The following B3GNT2 variants were observed in gnomAD, a reference collection of about 807,000 sequenced individuals.
The protein encoded by B3GNT2 is N-acetyllactosaminide beta-1,3-N-acetylglucosaminyltransferase 2.
A neutral mutation model predicts 27.6 loss-of-function variants in B3GNT2; 12 were observed. The ratio of observed to expected loss-of-function variants is 0.44; its 90% confidence interval spans 0.28 to 0.71. B3GNT2 has a LOEUF of 0.71. B3GNT2 is among the 30% of genes least tolerant of loss of function. The pLI is 0.17. For missense variants in B3GNT2, 413 were observed against 488.5 expected, an observed-to-expected ratio of 0.85 and a Z score of 1.46; for synonymous variants, 192 against 189.7, an observed-to-expected ratio of 1.01 and a Z score of -0.10.
chr2:62,211,971 C>T (rs1217263708), intron 1 of B3GNT2, among the ~76,000 whole-genome samples: 3 of 152,158 alleles, frequency 2.0e-5, no homozygotes. Context: ...TCCCCAAACC[C>T]CAGACTTAAA....
Position 62,207,314 on chromosome 2 carries a change from G to A in B3GNT2, c.-10+10959G>A, listed in dbSNP as rs537500884. On this transcript the variant is annotated intron_variant, in intron 1 of 1. Coordinates refer to ENST00000301998, the MANE Select transcript of B3GNT2 (RefSeq NM_006577.6). ...TCTGTCTCAGCCTCACGAGTAGTTG[G>A]GACAACACACATGCTACAGGCCACC... 2.6e-5 allele frequency among the ~76,000 whole-genome samples: 4 copies of A among 152,166 alleles called. No individual in the cohort carries two copies. The East Asian group carries it at 7.7e-4, about 29-fold the overall frequency.
intron 1 of B3GNT2, among the ~76,000 whole-genome samples, chr2:62,212,328 C>T (rs915454689): frequency 6.6e-6 from 1 of 152,088 alleles, no homozygotes; most frequent in Admixed American, 6.5e-5. Flanking sequence ...ACTGGGTGGT[C>T]CTTATCCAAC....
At chr2:62,212,146 T>G (rs1341806485) in intron 1 of B3GNT2, among the ~76,000 whole-genome samples, 1 of 152,208 alleles carries the variant, frequency 6.6e-6, no homozygotes, top group Non-Finnish European at 1.5e-5. Context: ...CTTTTGTAAG[T>G]AGAGGGCTCT....
chr2:62,210,557 T>C (rs1009298573), intron 1 of B3GNT2, among the ~76,000 whole-genome samples: 1 of 151,506 alleles, frequency 6.6e-6, no homozygotes, highest in African/African-American at 2.4e-5. Flanking sequence ...TCACTTGAGG[T>C]CAGGAGTTCG....
In B3GNT2 at chr2:62,223,290, A is replaced by G. The variant is rs774994033; in HGVS notation, c.1070A>G (p.Asp357Gly). Residue 357 changes from aspartate to glycine, a missense_variant, in exon 2 of 2, where the codon GAT (aspartate) becomes GGT (glycine). Coordinates refer to ENST00000301998, the MANE Select transcript of B3GNT2 (RefSeq NM_006577.6). ...AAACACAAAGGCTTCAGGACATTTG[A>G]TATCGAGGAGAAAAACAAAAATAAC... ...PEKHKGFRTF[D>G]IEEKNKNNIC... 5 of 1,614,108 alleles carry G rather than the reference A, an allele frequency of 3.1e-6. No homozygotes were observed. The highest frequency in any genetic ancestry group is 2.2e-5 in the East Asian group (1 of 44,904).
intron 1 of B3GNT2, among the ~76,000 whole-genome samples, chr2:62,198,639 G>C (rs1674201353): frequency 6.6e-6 from 1 of 152,162 alleles, no homozygotes; most frequent in African/African-American, 2.4e-5. Flanking sequence ...TGGGCTTCTG[G>C]TGAAGGGCTG....
intron 1 of B3GNT2, among the ~76,000 whole-genome samples, chr2:62,210,647 A>G (rs980980561): frequency 2.0e-5 from 3 of 151,848 alleles, no homozygotes; most frequent in Admixed American, 2.0e-4. Context: ...GTGGGCGCCT[A>G]CAGTCCCAGC....
chr2:62,222,507 G>GCGGACGTGA lies in B3GNT2; in HGVS notation c.289_290insGACGTGACG (p.Cys96_Glu97insGlyArgAsp). The GCGGACGTGA allele has an allele frequency of 6.2e-7, 1 of 1,614,152 alleles. No homozygotes were observed. The highest frequency in any genetic ancestry group is 8.5e-7 in the Non-Finnish European group (1 of 1,180,032). On this transcript the variant is annotated inframe_insertion, in exon 2 of 2. Transcript: ENST00000301998. The surrounding 1 kb of genome is among the most constrained non-coding windows in gnomAD (Gnocchi z 4.2). ...TCCAATATAAGCCATCTGAACTACT[G>GCGGACGTGA]CGAACCTGACCTGAGGGTCACGTCG...
intron 1 of B3GNT2, among the ~76,000 whole-genome samples, chr2:62,196,973 C>T (rs1015949793): frequency 6.6e-6 from 1 of 152,092 alleles, no homozygotes; most frequent in South Asian, 2.1e-4. Context: ...CTTCTGTCTC[C>T]GGCTCCCCCA....
At chr2:62,215,032 G>T (rs1255945308) in intron 1 of B3GNT2, among the ~76,000 whole-genome samples, 2 of 152,072 alleles carry the variant, frequency 1.3e-5, no homozygotes, top group Non-Finnish European at 2.9e-5. Flanking sequence ...AATACTTCTA[G>T]TGGCTAATTT....
At chr2:62,204,725 CT>C (rs1376871515) in intron 1 of B3GNT2, among the ~76,000 whole-genome samples, 7 of 152,302 alleles carry the variant, frequency 4.6e-5, no homozygotes, top group African/African-American at 1.7e-4. Context: ...TAAAATATCT[CT>C]CATGAATACT....
intron 1 of B3GNT2, among the ~76,000 whole-genome samples, chr2:62,199,834 T>C (rs1320617831): frequency 6.6e-6 from 1 of 152,270 alleles, no homozygotes; most frequent in Non-Finnish European, 1.5e-5. Flanking sequence ...AATTACAGAA[T>C]GAATACATTC....
At chr2:62,214,568 C>T (rs998121249) in intron 1 of B3GNT2, among the ~76,000 whole-genome samples, 1 of 152,164 alleles carries the variant, frequency 6.6e-6, no homozygotes, top group African/African-American at 2.4e-5. Flanking sequence ...GGAGGTGATG[C>T]TCATGGCATT....
intron 1 of B3GNT2, among the ~76,000 whole-genome samples, chr2:62,210,559 A>T (rs1674462542): frequency 6.6e-6 from 1 of 152,104 alleles, no homozygotes; most frequent in Non-Finnish European, 1.5e-5. Context: ...ACTTGAGGTC[A>T]GGAGTTCGAG....
chr2:62,214,616 G>T (rs1260376544), intron 1 of B3GNT2, among the ~76,000 whole-genome samples: 1 of 152,224 alleles, frequency 6.6e-6, no homozygotes. Context: ...TACTAAAGAG[G>T]CAGTGAAGGA....
intron 1 of B3GNT2, among the ~76,000 whole-genome samples, chr2:62,214,549 C>T (rs1436422461): frequency 6.6e-6 from 1 of 152,150 alleles, no homozygotes. Context: ...ACCCATGAAC[C>T]CTCCTTTTGG....
At chr2:62,196,679 GC>G (rs1674149434) in intron 1 of B3GNT2, among the ~76,000 whole-genome samples, 1 of 152,200 alleles carries the variant, frequency 6.6e-6, no homozygotes, top group Non-Finnish European at 1.5e-5. Context: ...TGCCCACCTC[GC>G]CCTGGAGCCC....
At chr2:62,201,337 T>G (rs1674259607) in intron 1 of B3GNT2, among the ~76,000 whole-genome samples, 1 of 152,244 alleles carries the variant, frequency 6.6e-6, no homozygotes, top group African/African-American at 2.4e-5. Flanking sequence ...TGAGCTAGGA[T>G]GCAGTGATGA....
intron 1 of B3GNT2, among the ~76,000 whole-genome samples, chr2:62,220,526 A>G (rs1328655781): frequency 6.6e-6 from 1 of 152,168 alleles, no homozygotes; most frequent in African/African-American, 2.4e-5. Context: ...GAACTTAAAA[A>G]TCCTCTCCTT....
Sources: allele counts gnomAD v4.1 joint callset (sites outside exome capture counted in the v4.1 genomes callset), GRCh38; gene constraint gnomAD v4.1.1; non-coding constraint Gnocchi (gnomAD v3.1); transcripts MANE v1.5; gene names NCBI Gene and HGNC (gene_info 2026-07-23, HGNC 2026-07-21).